Variants in EDAR observed in about 807,000 individuals in gnomAD.
EDAR encodes tumor necrosis factor receptor superfamily member EDAR.
EDAR carries 38 observed loss-of-function variants against 51.3 expected under a neutral mutation model. The observed-to-expected ratio is 0.74, with a 90% confidence interval of 0.57 to 0.97. The LOEUF (loss-of-function observed/expected upper bound fraction) is 0.97, where lower values mean the gene tolerates loss of function less well. Ranked by LOEUF, EDAR falls within the 50% of genes least tolerant of loss-of-function variation. EDAR has a pLI of 0.00. For missense variants in EDAR, 528 were observed against 595.0 expected (o/e 0.89, Z 1.17); for synonymous variants, 227 against 242.1 (o/e 0.94, Z 0.58).
intron 5 of EDAR, among the ~76,000 whole-genome samples, chr2:108,921,603 T>C (rs1213665957): frequency 1.3e-5 from 2 of 152,204 alleles, no homozygotes; most frequent in Non-Finnish European, 2.9e-5. Flanking sequence ...CCTGTGTGTG[T>C]GGGTCTTAGT....
At chr2:108,977,646 C>G (rs1307916902) in intron 1 of EDAR, among the ~76,000 whole-genome samples, 1 of 152,054 alleles carries the variant, frequency 6.6e-6, no homozygotes, top group Non-Finnish European at 1.5e-5. Context: ...GACATCTGGA[C>G]GTCCTCCCTC....
At chr2:108,910,078 G>C (rs150341284) in intron 9 of EDAR, among the ~76,000 whole-genome samples, 15 of 152,338 alleles carry the variant, frequency 9.8e-5, no homozygotes, top group Admixed American at 9.8e-4. Context: ...CCAGCATTAC[G>C]GTGGCAGCAG....
At chr2:108,983,938 G>T (rs1698456990) in intron 1 of EDAR, among the ~76,000 whole-genome samples, 1 of 152,230 alleles carries the variant, frequency 6.6e-6, no homozygotes, top group Admixed American at 6.5e-5. Flanking sequence ...AGCGAGTGCA[G>T]CTGGCCAGTG....
rs11346592 is a variant in EDAR at position 108,974,329 on chromosome 2, C to CAAAAAA, written c.-19+14625_-19+14630dup. ...TGGGAGACAGAGCGAGGATCCGTCT[C>CAAAAAA]AAAAAAAAAAAAAAAAAAAAAAAAA... On this transcript the variant is annotated intron_variant, in intron 1 of 11. Coordinates refer to ENST00000258443, the MANE Select transcript of EDAR (RefSeq NM_022336.4). Among the ~76,000 whole-genome samples the CAAAAAA allele has an allele frequency of 2.9e-4, 18 of 61,518 alleles. No individual in the cohort carries two copies. In the East Asian group the frequency reaches 3.0e-3, roughly 10 times the overall value. 40.4% of individuals were successfully genotyped at this position (61,518 alleles called of 152,430 possible). A position where few individuals can be genotyped will look rare whatever the true frequency, so the allele number is the denominator to read the frequency against.
chr2:108,924,952 T>C (rs928784038), intron 4 of EDAR, among the ~76,000 whole-genome samples: 1 of 152,244 alleles, frequency 6.6e-6, no homozygotes, highest in Non-Finnish European at 1.5e-5. Context: ...CTGACACTTC[T>C]GAGAAACATC....
At position 108,930,179 on chromosome 2, in the gene EDAR, G is replaced by C. The variant is rs757949596; in HGVS notation, c.115C>G (p.Gln39Glu). The C allele has an allele frequency of 6.2e-7, 1 of 1,614,086 alleles. No individual in the cohort carries two copies. The highest frequency in any genetic ancestry group is 8.5e-7 in the Non-Finnish European group (1 of 1,180,040). ...SNCGENEYYN[Q>E]TTGLCQECPP... is the part of the protein sequence containing the mutation. ...CACTCCTGGCACAGCCCCGTAGTCT[G>C]GTTGTAGTACTCGTTCTCACCGCAG... The change falls in exon 3 of 12, where the codon CAG becomes GAG. Residue 39 changes from glutamine to glutamate, a missense_variant. Coordinates refer to ENST00000258443, the MANE Select transcript of EDAR (RefSeq NM_022336.4).
intron 6 of EDAR, 74 bp downstream of exon 6, chr2:108,912,604 T>C: frequency 7.2e-7 from 1 of 1,383,424 alleles, no homozygotes. Flanking sequence ...TCATGATCAT[T>C]TCCTCTCCTC....
intron 1 of EDAR, among the ~76,000 whole-genome samples, chr2:108,979,444 C>G (rs867098046): frequency 2.0e-4 from 14 of 71,142 alleles, no homozygotes; most frequent in Admixed American, 3.2e-4. Flanking sequence ...CTTTCTCTCT[C>G]TCTGTCTCTG....
At chr2:108,979,677 A>T (rs1323791210) in intron 1 of EDAR, among the ~76,000 whole-genome samples, 1 of 152,110 alleles carries the variant, frequency 6.6e-6, no homozygotes, top group Non-Finnish European at 1.5e-5. Flanking sequence ...ATCATGAAGG[A>T]TGCAGATGGC....
rs116335310 is a variant in EDAR at position 108,970,152 on chromosome 2, G to T, written c.-19+18808C>A. Among the ~76,000 whole-genome samples, 316 of 152,228 alleles carry T rather than the reference G, an allele frequency of 2.1e-3. 2 individuals carry two copies. Among genetic ancestry groups the T allele is most frequent in the African/African-American group, 6.5e-3 (270 of 41,522 alleles). Reference sequence around the variant, plus strand: ...GCTGCTTGAGCTTTGCACTGAGAGGGGAGCATCGCCTGGGAGCTCCTCAGA... The same window carrying T: ...GCTGCTTGAGCTTTGCACTGAGAGGTGAGCATCGCCTGGGAGCTCCTCAGA... On this transcript the variant is annotated intron_variant, in intron 1 of 11. Transcript: ENST00000258443.
At chr2:108,941,205 C>T (rs554766892) in intron 1 of EDAR, among the ~76,000 whole-genome samples, 183 of 152,328 alleles carry the variant, frequency 1.2e-3, no homozygotes, top group African/African-American at 4.3e-3. Flanking sequence ...CCACTGCATT[C>T]GTAAACCACA....
At chr2:108,897,857 G>A (rs1306353540) in intron 11 of EDAR, among the ~76,000 whole-genome samples, 2 of 152,176 alleles carry the variant, frequency 1.3e-5, no homozygotes, top group African/African-American at 4.8e-5. Context: ...TGGACATTCT[G>A]TGTAAAACAA....
intron 1 of EDAR, among the ~76,000 whole-genome samples, chr2:108,935,476 G>A (rs1697449314): frequency 6.6e-6 from 1 of 152,176 alleles, no homozygotes. Context: ...GAGAAGCACT[G>A]GTCTAGACGA....
At chr2:108,954,436 G>C (rs755520412) in intron 1 of EDAR, among the ~76,000 whole-genome samples, 1 of 152,154 alleles carries the variant, frequency 6.6e-6, no homozygotes, top group Non-Finnish European at 1.5e-5. Context: ...GGATAGGTGT[G>C]GTGGTCTCTA....
At chr2:108,923,669 G>A (rs184890557) in intron 4 of EDAR, among the ~76,000 whole-genome samples, 150 of 152,340 alleles carry the variant, frequency 9.8e-4, no homozygotes, top group Non-Finnish European at 1.8e-3. Context: ...AGCTGCCAAC[G>A]TGGGCCTTTC....
At chr2:108,961,108 G>A (rs139017640) in intron 1 of EDAR, among the ~76,000 whole-genome samples, 3 of 152,282 alleles carry the variant, frequency 2.0e-5, no homozygotes, top group East Asian at 1.9e-4. Context: ...GCCACCTCCC[G>A]ACCAGCACTG....
chr2:108,939,623 G>A (rs550001515), intron 1 of EDAR, among the ~76,000 whole-genome samples: 1 of 152,268 alleles, frequency 6.6e-6, no homozygotes, highest in East Asian at 1.9e-4. Context: ...AGGAAGTGCA[G>A]TCACAGTGTA....
chr2:108,939,227 C>G (rs59759684), intron 1 of EDAR, among the ~76,000 whole-genome samples: 2,270 of 152,198 alleles, frequency 0.015, 30 homozygotes, highest in South Asian at 0.029. Flanking sequence ...ACCCAGGCTA[C>G]AGTGTAGTGG....
intron 1 of EDAR, among the ~76,000 whole-genome samples, chr2:108,986,715 T>A (rs1698506967): frequency 6.6e-6 from 1 of 152,228 alleles, no homozygotes; most frequent in Non-Finnish European, 1.5e-5. Flanking sequence ...CAGCAGAGGT[T>A]AAATGATTAG....
Sources: gnomAD v4.1 joint callset for allele counts (sites outside exome capture counted in the v4.1 genomes callset) on GRCh38, gnomAD v4.1.1 for gene constraint, MANE v1.5 for transcripts, NCBI Gene and HGNC (gene_info 2026-07-23, HGNC 2026-07-21) for gene names.